The following SLC19A3 variants were observed in gnomAD, a reference collection of about 807,000 sequenced individuals.
SLC19A3 encodes the protein thiamine transporter 2.
Under a neutral mutation model 40.2 loss-of-function variants are expected in SLC19A3, and 31 were observed. The ratio of observed to expected loss-of-function variants is 0.77; its 90% CI spans 0.58 to 1.04. The LOEUF is 1.04. Among genes scored for constraint, SLC19A3 ranks in the 50% least tolerant of loss-of-function variants. The pLI is 0.00. For synonymous variants in SLC19A3, 212 were observed against 227.5 expected (o/e 0.93, Z 0.61); for missense variants, 592 against 596.7 (o/e 0.99, Z 0.08).
chr2:227,698,805 C>G lies in SLC19A3; in HGVS notation c.910G>C (p.Asp304His). The G allele has an allele frequency of 6.2e-7, 1 of 1,614,200 alleles. No homozygotes were observed. The highest frequency in any genetic ancestry group is 8.5e-7 in the Non-Finnish European group (1 of 1,180,042). The change falls in exon 3 of 6, where the codon GAT (aspartate) becomes CAT (histidine). Residue 304 changes from aspartate to histidine, a missense_variant. Coordinates refer to ENST00000644224, the MANE Select transcript of SLC19A3 (RefSeq NM_025243.4). ...QVLNYVQILWDYKAPSQDSSI... is the reference protein window; with the variant it reads ...QVLNYVQILWHYKAPSQDSSI... ...GAATCTTGGGATGGCGCCTTGTAATCCCACAGGATTTGAACATAGTTCAAA... is the reference window on the plus strand; with the variant it reads ...GAATCTTGGGATGGCGCCTTGTAATGCCACAGGATTTGAACATAGTTCAAA...
In SLC19A3 at chr2:227,701,036, A is replaced by G. The variant is rs77950125; in HGVS notation, c.150+1133T>C. On this transcript the variant is annotated intron_variant, in intron 2 of 5. Transcript: ENST00000644224. Reference sequence around the variant, plus strand: ...GGTCCACAGTGGCTCGAGAAGCAGAACCCAGTGGATTCATTGAGTTGCTTC... The same window carrying G: ...GGTCCACAGTGGCTCGAGAAGCAGAGCCCAGTGGATTCATTGAGTTGCTTC... 10,571 of 1,304,192 alleles carry G rather than the reference A, an allele frequency of 8.1e-3. 657 individuals carry two copies. The African/African-American group carries it at 0.14, about 18-fold the overall frequency. 80.8% of individuals were successfully genotyped at this position (1,304,192 alleles called of 1,614,324 possible).
chr2:227,690,056 A>G (rs543153906), intron 4 of SLC19A3, among the ~76,000 whole-genome samples: 6 of 152,322 alleles, frequency 3.9e-5, no homozygotes, highest in Admixed American at 2.6e-4. Flanking sequence ...AGAGAAAATC[A>G]CCTTCACTAA....
chr2:227,690,606 C>T (rs1354438198), intron 4 of SLC19A3, among the ~76,000 whole-genome samples: 1 of 142,208 alleles, frequency 7.0e-6, no homozygotes, highest in Admixed American at 7.5e-5. Context: ...ACTCGGGAGG[C>T]TGAGGCAGGA....
intron 1 of SLC19A3, among the ~76,000 whole-genome samples, chr2:227,705,169 A>T (rs2106335845): frequency 6.6e-6 from 1 of 152,284 alleles, no homozygotes; most frequent in East Asian, 1.9e-4. Flanking sequence ...GGTACAAAAA[A>T]TGTTAACTAT....
intron 3 of SLC19A3, among the ~76,000 whole-genome samples, chr2:227,696,724 A>G (rs1695451506): frequency 6.6e-6 from 1 of 152,196 alleles, no homozygotes; most frequent in Non-Finnish European, 1.5e-5. Flanking sequence ...GAAATAATTG[A>G]CAGTAATTAG....
rs1346307179 is a variant in SLC19A3 at position 227,703,685 on chromosome 2, A to G, written c.-2-1365T>C. ...CTGGTGCTTTCTGTCTTCGTTGTTA[A>G]TGATCTTATAGAAATGGCTGTCCTG... On this transcript the variant is annotated intron_variant, in intron 1 of 5. Coordinates refer to ENST00000644224, the MANE Select transcript of SLC19A3 (RefSeq NM_025243.4). This position sits in a 1 kb window ranked among gnomAD's most constrained non-coding sequence, Gnocchi z 4.7. Among the ~76,000 whole-genome samples the G allele has an allele frequency of 6.6e-6, 1 of 152,108 alleles. No individual in the cohort carries two copies.
chr2:227,717,089 G>A (rs1362556957), intron 1 of SLC19A3, among the ~76,000 whole-genome samples: 3 of 133,866 alleles, frequency 2.2e-5, no homozygotes, highest in South Asian at 2.5e-4. Context: ...TGCAACCTTC[G>A]CCTCCCAAGT....
At chr2:227,707,750 CAG>C (rs1179296496) in intron 1 of SLC19A3, among the ~76,000 whole-genome samples, 1 of 152,062 alleles carries the variant, frequency 6.6e-6, no homozygotes, top group African/African-American at 2.4e-5. Context: ...TTTTTTGAGA[CAG>C]AGTCTCACTC....
chr2:227,705,354 A>C (rs12475095), intron 1 of SLC19A3, among the ~76,000 whole-genome samples: 20,445 of 150,794 alleles, frequency 0.14, 1,511 homozygotes, highest in Middle Eastern at 0.2. Flanking sequence ...TCATCTCAAC[A>C]CTTTGGGAGG....
rs1033711936 is a variant in SLC19A3 at position 227,703,753 on chromosome 2, C to T, written c.-2-1433G>A. Among the ~76,000 whole-genome samples, 3 of 152,142 alleles carry T rather than the reference C, an allele frequency of 2.0e-5. No homozygotes were observed. Among genetic ancestry groups the T allele is most frequent in the African/African-American group, 7.2e-5 (3 of 41,450 alleles). On this transcript the variant is annotated intron_variant, in intron 1 of 5. Coordinates refer to ENST00000644224, the MANE Select transcript of SLC19A3 (RefSeq NM_025243.4). The surrounding 1 kb of genome is among the most constrained non-coding windows in gnomAD (Gnocchi z 4.7). ...GCTTGGTCATCTTCTGAAGAGTGGTCTTGCTGGGGTAGCATCTGCTGGCTC... is the reference window on the plus strand; with the variant it reads ...GCTTGGTCATCTTCTGAAGAGTGGTTTTGCTGGGGTAGCATCTGCTGGCTC...
intron 4 of SLC19A3, 95 bp downstream of exon 4, chr2:227,695,794 T>C (rs1695406591): frequency 3.9e-6 from 5 of 1,265,886 alleles, no homozygotes; most frequent in Non-Finnish European, 4.6e-6. Flanking sequence ...AATATTGCAA[T>C]TGACTAAAAT....
intron 1 of SLC19A3, among the ~76,000 whole-genome samples, chr2:227,717,137 G>C (rs1341125831): frequency 6.6e-6 from 1 of 151,450 alleles, no homozygotes; most frequent in Admixed American, 6.6e-5. Flanking sequence ...AGTGTAGCTG[G>C]GATTACAGGC....
At chr2:227,688,890 A>T (rs1252855083) in intron 4 of SLC19A3, among the ~76,000 whole-genome samples, 1 of 152,186 alleles carries the variant, frequency 6.6e-6, no homozygotes, top group African/African-American at 2.4e-5. Flanking sequence ...ACAAAGAAGG[A>T]ATTCAGAATT....
At chr2:227,717,802 C>T (rs1559262651) in intron 1 of SLC19A3, 141 bp downstream of exon 1, 1 of 614,124 alleles carries the variant, frequency 1.6e-6, no homozygotes, top group Non-Finnish European at 2.0e-6. Flanking sequence ...GAGCTCCTCA[C>T]GCGGCTCAGA....
At chr2:227,694,227 G>A (rs1199244662) in intron 4 of SLC19A3, among the ~76,000 whole-genome samples, 2 of 152,012 alleles carry the variant, frequency 1.3e-5, no homozygotes, top group Non-Finnish European at 2.9e-5. Flanking sequence ...GGCTGGTCTC[G>A]AACTCCTGAC....
At chr2:227,696,662 T>C (rs1458917150) in intron 3 of SLC19A3, among the ~76,000 whole-genome samples, 1 of 152,228 alleles carries the variant, frequency 6.6e-6, no homozygotes, top group Non-Finnish European at 1.5e-5. Flanking sequence ...ATAATTTACT[T>C]GAGAAGCTTT....
At chr2:227,700,430 T>C (rs760477458) in intron 2 of SLC19A3, among the ~76,000 whole-genome samples, 2 of 151,710 alleles carry the variant, frequency 1.3e-5, no homozygotes, top group African/African-American at 2.4e-5. Context: ...CCCAGCTACT[T>C]GGGAGGCTGA....
chr2:227,692,828 T>C (rs1416082765), intron 4 of SLC19A3, among the ~76,000 whole-genome samples: 1 of 152,160 alleles, frequency 6.6e-6, no homozygotes, highest in African/African-American at 2.4e-5. Context: ...CAATAAACTA[T>C]TAGAACTGAT....
At chr2:227,702,752 T>A (rs1290933098) in intron 1 of SLC19A3, 1 of 189,610 alleles carries the variant, frequency 5.3e-6, no homozygotes, top group Non-Finnish European at 1.1e-5. Flanking sequence ...TTTGAAAACA[T>A]CTTGCTATCT....
Sources: gnomAD v4.1 joint callset for allele counts (sites outside exome capture counted in the v4.1 genomes callset) on GRCh38, gnomAD v4.1.1 for gene constraint, Gnocchi (gnomAD v3.1) non-coding constraint, MANE v1.5 for transcripts, NCBI Gene and HGNC (gene_info 2026-07-23, HGNC 2026-07-21) for gene names.